The following ACSBG1 variants were observed in gnomAD, a reference collection of about 807,000 sequenced individuals.
ACSBG1 encodes the protein long-chain-fatty-acid--CoA ligase ACSBG1.
ACSBG1 carries 39 observed loss-of-function variants against 80.2 expected under a neutral mutation model. The observed-to-expected ratio is 0.49, with a 90% CI of 0.38 to 0.64. The LOEUF (loss-of-function observed/expected upper bound fraction) is 0.64. Ranked by LOEUF, ACSBG1 falls within the 30% of genes least tolerant of loss-of-function variation. The pLI is 0.00. For synonymous variants in ACSBG1, 392 were observed against 379.5 expected, an observed-to-expected ratio of 1.03 and a Z score of -0.38; for missense variants, 828 against 966.4, an observed-to-expected ratio of 0.86 and a Z score of 1.90.
At chr15:78,174,806 G>A (rs1298931445) in intron 11 of ACSBG1, 3 of 469,538 alleles carry the variant, frequency 6.4e-6, no homozygotes, top group Admixed American at 3.8e-5. Context: ...CCTTCTGCCA[G>A]TCCCAGTTCC....
intron 1 of ACSBG1, among the ~76,000 whole-genome samples, chr15:78,227,168 G>C (rs1306958959): frequency 7.7e-6 from 1 of 129,174 alleles, no homozygotes; most frequent in Non-Finnish European, 1.5e-5. Context: ...GCAGTGAGCC[G>C]ATATCATGCC....
At chr15:78,211,402 C>T (rs1007378658) in intron 1 of ACSBG1, among the ~76,000 whole-genome samples, 4 of 152,348 alleles carry the variant, frequency 2.6e-5, no homozygotes, top group South Asian at 2.1e-4. Flanking sequence ...GGTGGAAGAA[C>T]GGCCTGAGGA....
chr15:78,209,022 C>G (rs2075244060), intron 1 of ACSBG1: 5 of 398,614 alleles, frequency 1.3e-5, no homozygotes, highest in South Asian at 7.2e-5. Context: ...GTGCAGCATG[C>G]AACCTGTGCA....
intron 1 of ACSBG1, among the ~76,000 whole-genome samples, chr15:78,212,095 T>C (rs1188370525): frequency 1.3e-5 from 2 of 152,240 alleles, no homozygotes; most frequent in Admixed American, 1.3e-4. Flanking sequence ...TTTATTTCTG[T>C]TACCCTTTCT....
At chr15:78,199,926 G>A (rs533021091) in intron 2 of ACSBG1, among the ~76,000 whole-genome samples, 2 of 152,164 alleles carry the variant, frequency 1.3e-5, no homozygotes, top group East Asian at 3.9e-4. Flanking sequence ...TGTACTCCAC[G>A]GTTGGGCCCT....
intron 5 of ACSBG1, among the ~76,000 whole-genome samples, chr15:78,187,086 C>T (rs1280911406): frequency 1.3e-5 from 2 of 151,998 alleles, no homozygotes; most frequent in African/African-American, 4.8e-5. Flanking sequence ...GAAATGGATA[C>T]TTTCCTTGAC....
At chr15:78,212,673 T>G in intron 1 of ACSBG1, 1 of 444,794 alleles carries the variant, frequency 2.2e-6, no homozygotes, top group South Asian at 1.6e-5. Flanking sequence ...TGTCACGGAG[T>G]CCCCCCGGGA....
At chr15:78,185,760 G>C (rs982169136) in intron 5 of ACSBG1, among the ~76,000 whole-genome samples, 1 of 151,106 alleles carries the variant, frequency 6.6e-6, no homozygotes, top group Non-Finnish European at 1.5e-5. Context: ...AAAGCAGCCA[G>C]AAAAACAAAA....
chr15:78,200,358 C>T (rs1037448471), intron 2 of ACSBG1, among the ~76,000 whole-genome samples: 3 of 152,090 alleles, frequency 2.0e-5, no homozygotes, highest in African/African-American at 7.2e-5. Flanking sequence ...CTGCATGACC[C>T]AGCCCTTTCT....
At chr15:78,229,136 T>C (rs1394907819) in intron 1 of ACSBG1, among the ~76,000 whole-genome samples, 2 of 152,192 alleles carry the variant, frequency 1.3e-5, no homozygotes, top group African/African-American at 4.8e-5. Context: ...TATAATTATT[T>C]GTTAATGTCT....
chr15:78,207,959 A>G, intron 2 of ACSBG1, 43 bp downstream of exon 2: 1 of 805,752 alleles, frequency 1.2e-6, no homozygotes, highest in Admixed American at 2.0e-5. Context: ...AGCACAGCAC[A>G]GTTTCCCGCC....
rs2074805294 is a variant in ACSBG1 at position 78,170,415 on chromosome 15, C to T, written c.*1029G>A. On this transcript the variant is annotated 3_prime_UTR_variant, in exon 14 of 14. Coordinates refer to ENST00000258873, the MANE Select transcript of ACSBG1 (RefSeq NM_015162.5). ...TCTGGGTCACTTTTTAAGCTTGTAA[C>T]CGCCCCCCCAGACTTATAATCTTAA... The T allele has an allele frequency of 6.6e-6, 1 of 151,744 alleles. No individual in the cohort carries two copies. Among genetic ancestry groups the T allele is most frequent in the African/African-American group, 2.4e-5 (1 of 41,252 alleles). 9.4% of individuals were successfully genotyped at this position (151,744 alleles called of 1,614,324 possible). A position where few individuals can be genotyped will look rare whatever the true frequency, so the allele number is the denominator to read the frequency against.
At chr15:78,199,207 G>A (rs546525073) in intron 2 of ACSBG1, among the ~76,000 whole-genome samples, 1 of 151,982 alleles carries the variant, frequency 6.6e-6, no homozygotes, top group Admixed American at 6.6e-5. Context: ...AGCCTCCTGA[G>A]TAGCTGAGAC....
At position 78,178,522 on chromosome 15, in the gene ACSBG1, G is replaced by C; in HGVS notation, c.1702+92C>G. 7.1e-7 allele frequency: 1 copy of C among 1,412,226 alleles called. No individual in the cohort carries two copies. The highest frequency in any genetic ancestry group is 9.5e-7 in the Non-Finnish European group (1 of 1,058,010). 87.5% of individuals were successfully genotyped at this position (1,412,226 alleles called of 1,614,324 possible). ...TCGCTGTGCTGCCCAGGGTGGTCTT[G>C]AACTCCTGAGCTCAGACAATCTGCC... On this transcript the variant is annotated intron_variant, in intron 11 of 13. Transcript: ENST00000258873. This position sits in a 1 kb window ranked among gnomAD's most constrained non-coding sequence, Gnocchi z 4.3.
chr15:78,231,328 T>C (rs2075445586), intron 1 of ACSBG1, among the ~76,000 whole-genome samples: 1 of 151,694 alleles, frequency 6.6e-6, no homozygotes, highest in Non-Finnish European at 1.5e-5. Flanking sequence ...ACGGGGTTTC[T>C]CCATGTGGGT....
intron 1 of ACSBG1, among the ~76,000 whole-genome samples, chr15:78,216,765 C>T (rs528699558): frequency 6.6e-6 from 1 of 152,300 alleles, no homozygotes; most frequent in South Asian, 2.1e-4. Context: ...GGTGGGGCAG[C>T]CCAGCCAGCT....
chr15:78,225,338 T>C (rs958492964), intron 1 of ACSBG1, among the ~76,000 whole-genome samples: 8 of 151,114 alleles, frequency 5.3e-5, no homozygotes, highest in African/African-American at 1.5e-4. Flanking sequence ...GAGGCAGAGA[T>C]TGCAGTGAGC....
intron 2 of ACSBG1, among the ~76,000 whole-genome samples, chr15:78,207,457 T>C (rs1229311614): frequency 6.6e-6 from 1 of 152,198 alleles, no homozygotes; most frequent in Non-Finnish European, 1.5e-5. Context: ...GTATTATTAT[T>C]ATTATTATCA....
At chr15:78,191,914 C>A (rs28433827) in intron 5 of ACSBG1, among the ~76,000 whole-genome samples, 6 of 152,054 alleles carry the variant, frequency 3.9e-5, no homozygotes, top group Non-Finnish European at 8.8e-5. Flanking sequence ...TATGCCAAAG[C>A]CCTCATAGCT....
Sources: allele counts gnomAD v4.1 joint callset (sites outside exome capture counted in the v4.1 genomes callset), GRCh38; gene constraint gnomAD v4.1.1; non-coding constraint Gnocchi (gnomAD v3.1); transcripts MANE v1.5; gene names NCBI Gene and HGNC (gene_info 2026-07-23, HGNC 2026-07-21).